Variants in SPEN observed in about 807,000 individuals in gnomAD.
The protein encoded by SPEN is spen family transcriptional repressor.
Under a neutral mutation model 269.9 loss-of-function variants are expected in SPEN, and 18 were observed. The observed-to-expected ratio is 0.07, with a 90% CI of 0.05 to 0.10. SPEN has a LOEUF of 0.10. SPEN is among the 10% of genes least tolerant of loss of function. The pLI, the probability that SPEN is intolerant of heterozygous loss-of-function variation, is 1.00. For synonymous variants in SPEN, 1,726 were observed against 1,765.7 expected, an observed-to-expected ratio of 0.98 and a Z score of 0.56; for missense variants, 3,822 against 4,631.2, an observed-to-expected ratio of 0.83 and a Z score of 5.07.
rs1276231418 is a variant in SPEN at position 15,936,143 on chromosome 1, G to T, written c.9903G>T (p.Glu3301Asp). ...TGCAGATTGTGCACTCCAGCGGGGA[G>T]CTGTTTCAAGAGTACCGGTACGGCG... Reference protein sequence around the residue: ...HGVQIVHSSGELFQEYRYGDI... With the variant: ...HGVQIVHSSGDLFQEYRYGDI... The change falls in exon 11 of 15, where the codon GAG (glutamate) becomes GAT (aspartate). Residue 3301 changes from glutamate (E) to aspartate (D), a missense_variant. Physicochemically the swap from Glu to Asp is conservative, Grantham distance 45. Around this residue, in one of 16 missense-constraint regions of SPEN, gnomAD observed 359 missense variants for 377.3 expected, o/e 0.95. Transcript: ENST00000375759. The T allele has an allele frequency of 6.2e-7, 1 of 1,611,284 alleles. No individual in the cohort carries two copies. The highest frequency in any genetic ancestry group is 2.2e-5 in the East Asian group (1 of 44,788).
rs376773709 is a variant in SPEN, at chr1:15,934,037, G to A, written c.7797G>A (p.Ser2599=). The A allele has an allele frequency of 8.2e-5, 133 of 1,612,528 alleles. No individual in the cohort carries two copies. Among genetic ancestry groups the A allele is most frequent in the Non-Finnish European group, 9.8e-5 (116 of 1,179,008 alleles). Residue 2599 remains serine, a synonymous_variant, in exon 11 of 15, where the codon TCG becomes TCA. Coordinates refer to ENST00000375759, the MANE Select transcript of SPEN (RefSeq NM_015001.3). The surrounding 1 kb of genome is among the most constrained non-coding windows in gnomAD (Gnocchi z 9.2). ...PVTNNSEIQA[S]EVLVAADKEK... ...CAAACAACTCTGAGATACAAGCCTC[G>A]GAGGTGCTGGTAGCTGCTGACAAGG...
At chr1:15,868,454 A>G (rs1460371179) in intron 1 of SPEN, among the ~76,000 whole-genome samples, 27 of 136,622 alleles carry the variant, frequency 2.0e-4, no homozygotes, top group African/African-American at 7.2e-4. Flanking sequence ...TTTTTTTTTG[A>G]GATGGAGTCT....
chr1:15,877,760 T>C (rs1408603328), intron 3 of SPEN, among the ~76,000 whole-genome samples: 6 of 147,430 alleles, frequency 4.1e-5, no homozygotes, highest in Non-Finnish European at 6.0e-5. Flanking sequence ...TTTTTTTTTT[T>C]TGAGATGGAG....
intron 10 of SPEN, among the ~76,000 whole-genome samples, chr1:15,927,066 A>C (rs2071174453): frequency 6.6e-6 from 1 of 152,224 alleles, no homozygotes; most frequent in African/African-American, 2.4e-5. Flanking sequence ...TACATGAGAG[A>C]ACAAACATTG....
intron 9 of SPEN, among the ~76,000 whole-genome samples, chr1:15,921,501 C>T (rs186941090): frequency 3.3e-4 from 50 of 152,310 alleles, no homozygotes. Context: ...AGATCCTTCC[C>T]TAAAAATCTT....
chr1:15,921,019 G>C (rs375323837), intron 9 of SPEN, 36 bp downstream of exon 9: 8 of 1,395,724 alleles, frequency 5.7e-6, no homozygotes, highest in Non-Finnish European at 8.0e-6. Flanking sequence ...GCAAAACAAA[G>C]TCCTATTCAA....
At chr1:15,915,198 CTG>C (rs1172364083) in intron 5 of SPEN, among the ~76,000 whole-genome samples, 3 of 152,152 alleles carry the variant, frequency 2.0e-5, no homozygotes, top group African/African-American at 7.2e-5. Context: ...AAATCTATTT[CTG>C]TGTCAGTGAT....
At chr1:15,870,111 C>T (rs970164859) in intron 1 of SPEN, among the ~76,000 whole-genome samples, 1 of 151,970 alleles carries the variant, frequency 6.6e-6, no homozygotes, top group Non-Finnish European at 1.5e-5. Context: ...CTCAGGTGAT[C>T]CACCTGCCTC....
chr1:15,879,503 G>A lies in SPEN; in HGVS notation c.881+2825G>A, dbSNP rs1012747357. On this transcript the variant is annotated intron_variant, in intron 3 of 14. Transcript: ENST00000375759. ...GCACTCAGAAAGATAACTGCTAGAA[G>A]GGTAGGATGCACTTAGAAAATCTGC... 8.5e-5 allele frequency among the ~76,000 whole-genome samples: 13 copies of A among 152,110 alleles called. No individual in the cohort carries two copies. The East Asian group carries it at 2.5e-3, about 29-fold the overall frequency.
chr1:15,884,105 C>T (rs565144576), intron 3 of SPEN, among the ~76,000 whole-genome samples: 6 of 151,996 alleles, frequency 3.9e-5, no homozygotes, highest in African/African-American at 7.2e-5. Context: ...CCACAGCGCT[C>T]GGCTTGTTTT....
At chr1:15,859,138 T>C (rs2070415919) in intron 1 of SPEN, among the ~76,000 whole-genome samples, 1 of 65,264 alleles carries the variant, frequency 1.5e-5, no homozygotes, top group Non-Finnish European at 2.8e-5. Flanking sequence ...TTTTCTTTTT[T>C]AGTTTTTTTT....
At chr1:15,866,893 A>G (rs556924791) in intron 1 of SPEN, among the ~76,000 whole-genome samples, 13 of 152,340 alleles carry the variant, frequency 8.5e-5, no homozygotes, top group African/African-American at 2.6e-4. Context: ...GTGAGATAAC[A>G]TAGAAACTTG....
At chr1:15,875,385 A>G (rs970008888) in intron 2 of SPEN, among the ~76,000 whole-genome samples, 1 of 152,174 alleles carries the variant, frequency 6.6e-6, no homozygotes, top group Non-Finnish European at 1.5e-5. Flanking sequence ...AGCCAAAAGA[A>G]CATATTTCCT....
rs1409204645 is a variant in SPEN, at chr1:15,937,940, A to T, written c.10638A>T (p.Pro3546=). Residue 3546 remains proline, a synonymous_variant, in exon 13 of 15, where the codon CCA becomes CCT. Coordinates refer to ENST00000375759, the MANE Select transcript of SPEN (RefSeq NM_015001.3). This position sits in a 1 kb window ranked among gnomAD's most constrained non-coding sequence, Gnocchi z 5.7. The part of the protein sequence containing the change: ...RSLPLSEGGP[P]LRIAQRMRLE... ...TGCCCCTTTCTGAAGGAGGGCCCCC[A>T]CTAAGGATCGCCCAGAGGATGCGGC... The T allele has an allele frequency of 1.9e-6, 3 of 1,614,012 alleles. No homozygotes were observed. Among genetic ancestry groups the T allele is most frequent in the Non-Finnish European group, 2.5e-6 (3 of 1,179,968 alleles).
Position 15,929,297 on chromosome 1 carries a change from G to C in SPEN, c.3057G>C (p.Gln1019His). The C allele has an allele frequency of 6.2e-7, 1 of 1,614,230 alleles. No individual in the cohort carries two copies. Among genetic ancestry groups the C allele is most frequent in the Non-Finnish European group, 8.5e-7 (1 of 1,180,046 alleles). Residue 1019 changes from glutamine to histidine, a missense_variant, in exon 11 of 15, where the codon CAG becomes CAC. Gln to His is a conservative substitution (Grantham distance 24, BLOSUM62 0). Transcript: ENST00000375759. This position sits in a 1 kb window ranked among gnomAD's most constrained non-coding sequence, Gnocchi z 5.8. ...ATGCTCGCGTGCTTTCAAAAAAGCA[G>C]CCTGACGTGTCCTCTAGAGAGGTCA... ...MEDARVLSKKQPDVSSREVIL... is the reference protein window; with the variant it reads ...MEDARVLSKKHPDVSSREVIL...
At chr1:15,921,101 G>C (rs1247240079) in intron 9 of SPEN, 118 bp downstream of exon 9, 6 of 472,160 alleles carry the variant, frequency 1.3e-5, no homozygotes, top group Non-Finnish European at 1.9e-5. Context: ...CAAGGCAGGT[G>C]GATCACCTGA....
At chr1:15,922,726 G>A (rs2071131466) in intron 10 of SPEN, among the ~76,000 whole-genome samples, 1 of 152,044 alleles carries the variant, frequency 6.6e-6, no homozygotes, top group South Asian at 2.1e-4. Flanking sequence ...AGGCTCAAGT[G>A]ATCCTCACAC....
intron 2 of SPEN, 83 bp from the exon 3 acceptor site, chr1:15,876,119 T>C: frequency 9.5e-7 from 1 of 1,054,406 alleles, no homozygotes; most frequent in Non-Finnish European, 1.4e-6. Flanking sequence ...ACAAAGACAA[T>C]GCTGAAGTGA....
chr1:15,891,918 A>T (rs767677600), intron 3 of SPEN, among the ~76,000 whole-genome samples: 1 of 151,022 alleles, frequency 6.6e-6, no homozygotes, highest in Non-Finnish European at 1.5e-5. Flanking sequence ...AAAAAAAAAA[A>T]CTTATTTATG....
Sources: gnomAD v4.1 joint callset for allele counts (sites outside exome capture counted in the v4.1 genomes callset) on GRCh38, gnomAD v4.1.1 for gene constraint, gnomAD v4.1.1 regional missense constraint, Gnocchi (gnomAD v3.1) non-coding constraint, MANE v1.5 for transcripts, NCBI Gene and HGNC (gene_info 2026-07-23, HGNC 2026-07-21) for gene names.